Variants in MEF2A observed in about 807,000 individuals in gnomAD.
MEF2A encodes myocyte enhancer factor 2A, also known as myocyte-specific enhancer factor 2A.
Under a neutral mutation model 55.8 loss-of-function variants are expected in MEF2A, and 28 were observed. The observed-to-expected ratio is 0.50, with a 90% CI of 0.37 to 0.69. The LOEUF (loss-of-function observed/expected upper bound fraction) is 0.69, where lower values mean the gene tolerates loss of function less well. Ranked by LOEUF, MEF2A falls within the 30% of genes least tolerant of loss-of-function variation. The pLI is 0.00. For synonymous variants in MEF2A, 239 were observed against 227.1 expected, an observed-to-expected ratio of 1.05 and a Z score of -0.47; for missense variants, 528 against 626.2, an observed-to-expected ratio of 0.84 and a Z score of 1.67.
chr15:99,664,354 G>A (rs528053204), intron 4 of MEF2A, among the ~76,000 whole-genome samples: 7 of 152,234 alleles, frequency 4.6e-5, no homozygotes, highest in South Asian at 2.1e-4. Flanking sequence ...CCTGAAGGCC[G>A]GACACCAGGA....
At chr15:99,603,575 G>GTGTGTGTGTGTGTA (rs1485962422) in intron 2 of MEF2A, among the ~76,000 whole-genome samples, 1 of 151,444 alleles carries the variant, frequency 6.6e-6, no homozygotes, top group Admixed American at 6.6e-5. Context: ...GTGTGTGTGT[G>GTGTGTGTGTGTGTA]TGTTTGGTAG....
chr15:99,712,358 G>A lies in MEF2A; in HGVS notation c.1137-32G>A. On this transcript the variant is annotated intron_variant, in intron 11 of 11. Coordinates refer to ENST00000557942, the MANE Select transcript of MEF2A (RefSeq NM_001319206.4). This position sits in a 1 kb window ranked among gnomAD's most constrained non-coding sequence, Gnocchi z 4.1. ...CCCAGTTTTGCAGAGGTACTTGCAA[G>A]CCATCTGACCTCTCTCTTTTTTTTC... The A allele has an allele frequency of 1.3e-6, 2 of 1,493,726 alleles. No homozygotes were observed. Among genetic ancestry groups the A allele is most frequent in the South Asian group, 2.7e-5 (2 of 74,826 alleles). The allele number at this position is 1,493,726 out of a possible 1,614,324, so 92.5% of individuals were successfully genotyped here.
intron 2 of MEF2A, among the ~76,000 whole-genome samples, chr15:99,612,966 G>A (rs565434849): frequency 2.0e-5 from 3 of 152,148 alleles, no homozygotes; most frequent in African/African-American, 7.2e-5. Flanking sequence ...AAGGAAACGG[G>A]AGAGAGAGAT....
chr15:99,651,327 A>G (rs1022105779), intron 4 of MEF2A, among the ~76,000 whole-genome samples: 1 of 152,198 alleles, frequency 6.6e-6, no homozygotes, highest in Non-Finnish European at 1.5e-5. Context: ...AAGTAGAAGC[A>G]TGATTATGCT....
chr15:99,697,047 C>G (rs989396626), intron 8 of MEF2A, among the ~76,000 whole-genome samples: 1 of 89,370 alleles, frequency 1.1e-5, no homozygotes, highest in Non-Finnish European at 3.1e-5. Context: ...AACATCTATT[C>G]ATCATTTAAA....
At chr15:99,605,239 C>T (rs1358105019) in intron 2 of MEF2A, among the ~76,000 whole-genome samples, 2 of 152,204 alleles carry the variant, frequency 1.3e-5, no homozygotes, top group South Asian at 2.1e-4. Context: ...TGAGCTGCTG[C>T]GTCCTGCCTC....
At chr15:99,573,375 A>G (rs1389219999) in intron 1 of MEF2A, among the ~76,000 whole-genome samples, 1 of 152,064 alleles carries the variant, frequency 6.6e-6, no homozygotes, top group African/African-American at 2.4e-5. Flanking sequence ...TTTAAAAATC[A>G]TAAAGGTACT....
intron 3 of MEF2A, among the ~76,000 whole-genome samples, chr15:99,643,601 T>G (rs1268859239): frequency 6.6e-6 from 1 of 151,514 alleles, no homozygotes; most frequent in East Asian, 1.9e-4. Flanking sequence ...AATTTTTTTT[T>G]TTTTTTTTGA....
chr15:99,608,875 T>TG (rs1183270421), intron 2 of MEF2A, among the ~76,000 whole-genome samples: 6 of 151,476 alleles, frequency 4.0e-5, no homozygotes, highest in African/African-American at 1.5e-4. Context: ...GACTCCAGCC[T>TG]GGGTAATAAG....
intron 3 of MEF2A, among the ~76,000 whole-genome samples, chr15:99,634,863 G>C (rs2153422693): frequency 6.6e-6 from 1 of 152,342 alleles, no homozygotes; most frequent in East Asian, 1.9e-4. Flanking sequence ...TTTTGGCAAA[G>C]ATTGGAGAAA....
intron 4 of MEF2A, chr15:99,657,625 G>T (rs2047953033): frequency 6.6e-6 from 1 of 151,982 alleles, no homozygotes; most frequent in African/African-American, 2.4e-5. Flanking sequence ...GTAAAACTGA[G>T]ATTTGGGTTC....
At chr15:99,700,298 G>C (rs536710080) in intron 8 of MEF2A, among the ~76,000 whole-genome samples, 79 of 148,152 alleles carry the variant, frequency 5.3e-4, no homozygotes, top group African/African-American at 1.8e-3. Flanking sequence ...CAGATGTTGA[G>C]CTCAGGAGTT....
At chr15:99,635,894 A>C (rs1444661693) in intron 3 of MEF2A, among the ~76,000 whole-genome samples, 4 of 152,206 alleles carry the variant, frequency 2.6e-5, no homozygotes, top group Non-Finnish European at 4.4e-5. Flanking sequence ...AATTTTGAAT[A>C]TTCTCGATAG....
intron 2 of MEF2A, among the ~76,000 whole-genome samples, chr15:99,629,081 A>C (rs575031758): frequency 6.6e-6 from 1 of 151,456 alleles, no homozygotes; most frequent in Non-Finnish European, 1.5e-5. Flanking sequence ...TCAGCTAGCT[A>C]TAACTCTTAT....
intron 8 of MEF2A, among the ~76,000 whole-genome samples, chr15:99,698,374 A>T (rs1217396998): frequency 1.3e-5 from 2 of 152,272 alleles, no homozygotes; most frequent in African/African-American, 4.8e-5. Flanking sequence ...CACATACTTC[A>T]AAAAGAAGAT....
intron 1 of MEF2A, among the ~76,000 whole-genome samples, chr15:99,578,279 C>G (rs1397500864): frequency 6.6e-6 from 1 of 152,106 alleles, no homozygotes; most frequent in Non-Finnish European, 1.5e-5. Flanking sequence ...TCATTTATAT[C>G]AGTATGGACT....
intron 4 of MEF2A, among the ~76,000 whole-genome samples, chr15:99,649,502 T>C (rs758057605): frequency 2.6e-5 from 4 of 152,190 alleles, no homozygotes; most frequent in African/African-American, 2.4e-5. Flanking sequence ...TTTCAAGTTA[T>C]TAAGCATTGA....
Position 99,712,832 on chromosome 15 carries a change from A to G in MEF2A, c.*61A>G, listed in dbSNP as rs1043511291. ...GCAGTGACCTGCCCTACATATCTAA[A>G]TCGGTAAATAAGGACATGAGTTAAA... On this transcript the variant is annotated 3_prime_UTR_variant, in exon 12 of 12. Coordinates refer to ENST00000557942, the MANE Select transcript of MEF2A (RefSeq NM_001319206.4). This position sits in a 1 kb window ranked among gnomAD's most constrained non-coding sequence, Gnocchi z 4.1. The G allele has an allele frequency of 1.3e-6, 2 of 1,490,972 alleles. No individual in the cohort carries two copies. Among genetic ancestry groups the G allele is most frequent in the Admixed American group, 2.1e-5 (1 of 46,594 alleles). 92.4% of individuals were successfully genotyped at this position (1,490,972 alleles called of 1,614,324 possible). A position where few individuals can be genotyped will look rare whatever the true frequency, so the allele number is the denominator to read the frequency against.
chr15:99,707,641 T>G (rs2153815105), intron 10 of MEF2A, among the ~76,000 whole-genome samples: 1 of 152,278 alleles, frequency 6.6e-6, no homozygotes, highest in Non-Finnish European at 1.5e-5. Flanking sequence ...TGGTTTCGCT[T>G]TCTCATCAGC....
Sources: gnomAD v4.1 joint callset for allele counts (sites outside exome capture counted in the v4.1 genomes callset) on GRCh38, gnomAD v4.1.1 for gene constraint, Gnocchi (gnomAD v3.1) non-coding constraint, MANE v1.5 for transcripts, NCBI Gene and HGNC (gene_info 2026-07-23, HGNC 2026-07-21) for gene names.